TCP11L1: variants seen among roughly 807,000 people sequenced by gnomAD.
TCP11L1 encodes t-complex 11 like 1, also known as T-complex protein 11-like protein 1.
In TCP11L1, 28 loss-of-function variants were observed where a neutral mutation model predicts 48.9. That is an observed-to-expected ratio of 0.57 (90% confidence interval 0.42 to 0.78). The LOEUF (loss-of-function observed/expected upper bound fraction) is 0.78, where lower values mean the gene tolerates loss of function less well. Ranked by LOEUF, TCP11L1 falls within the 30% of genes least tolerant of loss-of-function variation. The pLI, the probability that TCP11L1 is intolerant of heterozygous loss-of-function variation, is 0.00. For missense variants in TCP11L1, 505 were observed against 613.4 expected, an observed-to-expected ratio of 0.82 and a Z score of 1.87; for synonymous variants, 204 against 231.9, an observed-to-expected ratio of 0.88 and a Z score of 1.09.
At position 33,054,639 on chromosome 11, in the gene TCP11L1, GAGAGGTGTC is replaced by G; in HGVS notation, c.212_220del (p.Arg71_Val73del). On this transcript the variant is annotated inframe_deletion, in exon 3 of 10. Coordinates refer to ENST00000334274, the MANE Select transcript of TCP11L1 (RefSeq NM_018393.4). ...CAGTAGAAGAACTTCTAGAGACAGC[GAGAGGTGTC>G]ACCAACATGGCTCTAGCCCATGAAA... The G allele has an allele frequency of 6.2e-7, 1 of 1,613,980 alleles. No individual in the cohort carries two copies. Among genetic ancestry groups the G allele is most frequent in the Non-Finnish European group, 8.5e-7 (1 of 1,179,956 alleles).
Position 33,072,476 on chromosome 11 carries a change from T to C in TCP11L1, c.1330T>C (p.Ser444Pro). 6.2e-7 allele frequency: 1 copy of C among 1,614,082 alleles called. No homozygotes were observed. Among genetic ancestry groups the C allele is most frequent in the Non-Finnish European group, 8.5e-7 (1 of 1,180,004 alleles). ...GACCACTTTCTTTTTTGTCACAGAA[T>C]CTCGAATCCTGACCTTCTTAGAAAC... ...PDDPIRRIME[S>P]RILTFLETYL... The change falls in exon 10 of 10, where the codon TCT becomes CCT. Residue 444 changes from serine (S) to proline (P), a missense_variant and splice_region_variant. By Grantham distance (74) the Ser-to-Pro change is moderately conservative. Transcript: ENST00000334274.
chr11:33,058,265 C>G, intron 5 of TCP11L1, 126 bp downstream of exon 5: 1 of 867,662 alleles, frequency 1.2e-6, no homozygotes, highest in Non-Finnish European at 1.7e-6. Flanking sequence ...ATGGCGTGAT[C>G]TTGGTTCACT....
At chr11:33,048,479 C>T (rs895803756) in intron 2 of TCP11L1, among the ~76,000 whole-genome samples, 4 of 152,116 alleles carry the variant, frequency 2.6e-5, no homozygotes, top group African/African-American at 9.7e-5. Flanking sequence ...AAACAAAATC[C>T]CCACAACCCT....
At chr11:33,040,884 C>T (rs1853812667) in intron 1 of TCP11L1, 1 of 152,170 alleles carries the variant, frequency 6.6e-6, no homozygotes. Context: ...TCCTCCCAGG[C>T]AGAGTTAGTT....
At chr11:33,047,932 T>C (rs908354792) in intron 2 of TCP11L1, among the ~76,000 whole-genome samples, 1 of 152,192 alleles carries the variant, frequency 6.6e-6, no homozygotes, top group African/African-American at 2.4e-5. Flanking sequence ...TAACAGCATC[T>C]TTTCAGAGTG....
At chr11:33,070,480 G>T (rs906423386) in intron 9 of TCP11L1, among the ~76,000 whole-genome samples, 1 of 152,080 alleles carries the variant, frequency 6.6e-6, no homozygotes, top group African/African-American at 2.4e-5. Flanking sequence ...GAGATTGGAA[G>T]TTCGAGACCA....
intron 7 of TCP11L1, among the ~76,000 whole-genome samples, chr11:33,062,218 C>T (rs748818558): frequency 1.3e-5 from 2 of 152,198 alleles, no homozygotes; most frequent in Non-Finnish European, 2.9e-5. Flanking sequence ...CACAGAGTTA[C>T]GCATCCATTG....
intron 2 of TCP11L1, among the ~76,000 whole-genome samples, chr11:33,048,689 G>GT (rs1306315852): frequency 6.6e-6 from 1 of 152,104 alleles, no homozygotes; most frequent in Non-Finnish European, 1.5e-5. Context: ...GGTGCAAGCT[G>GT]TTTTTTTCCA....
At chr11:33,041,756 C>A (rs7124502) in intron 1 of TCP11L1, among the ~76,000 whole-genome samples, 57,499 of 143,518 alleles carry the variant, frequency 0.4, 11,141 homozygotes, top group East Asian at 0.46. Flanking sequence ...AGTCTGTCCC[C>A]AAAAAAAAAA....
chr11:33,060,956 C>CTAT lies in TCP11L1; in HGVS notation c.776-560_776-558dup, dbSNP rs1272324944. ...CTGGCTAGGTGTCATGTATTTGTTA[C>CTAT]TATTATTATTATTATTTTAGACAGG... On this transcript the variant is annotated intron_variant, in intron 6 of 9. Transcript: ENST00000334274. Among the ~76,000 whole-genome samples the CTAT allele has an allele frequency of 2.0e-5, 3 of 151,756 alleles. 1 individual carries two copies. The highest frequency in any genetic ancestry group is 1.3e-4 in the Admixed American group (2 of 15,234).
At chr11:33,047,466 A>G (rs1314309847) in intron 2 of TCP11L1, among the ~76,000 whole-genome samples, 1 of 152,236 alleles carries the variant, frequency 6.6e-6, no homozygotes, top group African/African-American at 2.4e-5. Context: ...TTAATCACCT[A>G]GTTGACCAGT....
intron 2 of TCP11L1, among the ~76,000 whole-genome samples, chr11:33,052,493 T>G (rs1854190440): frequency 6.6e-6 from 1 of 151,258 alleles, no homozygotes; most frequent in Non-Finnish European, 1.5e-5. Flanking sequence ...TTTTTTTTGG[T>G]GCGCAAAAGA....
rs1421570346 is a variant in TCP11L1, at chr11:33,046,642, C to T, written c.163+2706C>T. On this transcript the variant is annotated intron_variant, in intron 2 of 9. Transcript: ENST00000334274. ...TCCTTTTGGCTGCCTTCCTATTTCT[C>T]CTGTAGTGCTAGGTAGGTACAGGGC... 3.3e-5 allele frequency among the ~76,000 whole-genome samples: 5 copies of T among 152,336 alleles called. No homozygotes were observed. The East Asian group carries it at 7.7e-4, about 24-fold the overall frequency.
intron 9 of TCP11L1, among the ~76,000 whole-genome samples, chr11:33,069,631 G>A (rs1357967014): frequency 6.6e-6 from 1 of 152,062 alleles, no homozygotes; most frequent in African/African-American, 2.4e-5. Context: ...GTCTCACTCT[G>A]TCTTCCAGAC....
chr11:33,049,657 G>A (rs1413725819), intron 2 of TCP11L1, among the ~76,000 whole-genome samples: 1 of 152,172 alleles, frequency 6.6e-6, no homozygotes, highest in East Asian at 1.9e-4. Context: ...AAACTTCTGG[G>A]TGCATTAAAG....
chr11:33,055,700 A>G (rs11032129), intron 3 of TCP11L1, among the ~76,000 whole-genome samples: 107,303 of 152,096 alleles, frequency 0.71, 38,034 homozygotes, highest in East Asian at 0.87. Flanking sequence ...GTCTCCCACA[A>G]GAAGCTTCTA....
chr11:33,059,676 T>C (rs1854415474), intron 6 of TCP11L1, among the ~76,000 whole-genome samples: 2 of 152,224 alleles, frequency 1.3e-5, no homozygotes, highest in Admixed American at 1.3e-4. Context: ...AGTCTTCAGA[T>C]TCAATGTATG....
At chr11:33,068,902 G>A (rs544160694) in intron 9 of TCP11L1, 43 bp downstream of exon 9, 3 of 1,592,182 alleles carry the variant, frequency 1.9e-6, no homozygotes, top group Middle Eastern at 1.9e-4. Flanking sequence ...GCCCTCTGAG[G>A]GGCTGGAGCA....
At chr11:33,062,299 C>T (rs1854490476) in intron 7 of TCP11L1, among the ~76,000 whole-genome samples, 1 of 142,860 alleles carries the variant, frequency 7.0e-6, no homozygotes, top group South Asian at 2.5e-4. Flanking sequence ...TCACTGCCCT[C>T]CCCCCCTCCC....
Sources: allele counts gnomAD v4.1 joint callset (sites outside exome capture counted in the v4.1 genomes callset), GRCh38; gene constraint gnomAD v4.1.1; transcripts MANE v1.5; gene names NCBI Gene and HGNC (gene_info 2026-07-23, HGNC 2026-07-21).